Variants in MYOM1 observed in about 807,000 individuals in gnomAD.
The protein encoded by MYOM1 is myomesin-1.
MYOM1 carries 164 observed loss-of-function variants against 205.3 expected under a neutral mutation model. The ratio of observed to expected loss-of-function variants is 0.80; its 90% confidence interval spans 0.70 to 0.91. MYOM1 has a LOEUF of 0.91. MYOM1 is among the 40% of genes least tolerant of loss of function. MYOM1 has a pLI of 0.00. For missense variants in MYOM1, 2,011 were observed against 2,127.3 expected, an observed-to-expected ratio of 0.95 and a Z score of 1.08; for synonymous variants, 772 against 789.4, an observed-to-expected ratio of 0.98 and a Z score of 0.37.
chr18:3,172,547 T>C (rs2080575408), intron 8 of MYOM1, among the ~76,000 whole-genome samples: 1 of 152,140 alleles, frequency 6.6e-6, no homozygotes, highest in Non-Finnish European at 1.5e-5. Context: ...TCTCACTCTG[T>C]TGCCCAGGCT....
chr18:3,188,873 C>A lies in MYOM1; in HGVS notation c.646G>T (p.Ala216Ser). 6.2e-7 allele frequency: 1 copy of A among 1,609,392 alleles called. No individual in the cohort carries two copies. The highest frequency in any genetic ancestry group is 8.5e-7 in the Non-Finnish European group (1 of 1,176,502). Residue 216 changes from alanine (A) to serine (S), a missense_variant, in exon 4 of 38, where the codon GCA becomes TCA. Physicochemically the swap from Ala to Ser is moderately conservative, Grantham distance 99. Coordinates refer to ENST00000356443, the MANE Select transcript of MYOM1 (RefSeq NM_003803.4). ...KQSTASRQST[A>S]SRQSVVSKQA... The stretch of plus-strand genomic sequence containing the variant: ...TTGGAAACCACAGACTGCCTGGATG[C>A]CGTGGACTGCCTGGATGCCGTGGAC...
chr18:3,142,202 TC>T (rs1567930445), intron 13 of MYOM1, 139 bp from the exon 14 acceptor site: 1 of 1,081,582 alleles, frequency 9.2e-7, no homozygotes. Context: ...TCTCTAAAAT[TC>T]CCCCAAAACA....
intron 13 of MYOM1, among the ~76,000 whole-genome samples, chr18:3,147,085 T>TATATCTTATATATAAA (rs1373012448): frequency 2.3e-4 from 25 of 109,680 alleles, no homozygotes; most frequent in African/African-American, 7.4e-4. Context: ...TATATAAATA[T>TATATCTTATATATAAA]TATACATTAT....
intron 17 of MYOM1, 47 bp from the exon 18 acceptor site, chr18:3,129,566 T>G: frequency 6.4e-7 from 1 of 1,558,744 alleles, no homozygotes; most frequent in Non-Finnish European, 8.7e-7. Flanking sequence ...CCGGACAGAG[T>G]ATCAGCTGCT....
intron 21 of MYOM1, 45 bp downstream of exon 21, chr18:3,116,286 T>C (rs1356856218): frequency 6.3e-7 from 1 of 1,575,736 alleles, no homozygotes; most frequent in African/African-American, 1.3e-5. Context: ...TTCGTATTAG[T>C]AGAGCAGTTA....
intron 13 of MYOM1, among the ~76,000 whole-genome samples, chr18:3,147,706 A>G (rs1195367580): frequency 6.6e-6 from 1 of 152,260 alleles, no homozygotes; most frequent in Non-Finnish European, 1.5e-5. Context: ...TATGTAATCA[A>G]TTGAATTTGA....
intron 9 of MYOM1, among the ~76,000 whole-genome samples, chr18:3,167,401 T>C (rs2080487381): frequency 6.6e-6 from 1 of 152,238 alleles, no homozygotes; most frequent in African/African-American, 2.4e-5. Context: ...TGTTTTGTTT[T>C]GAGATGGAGT....
chr18:3,168,708 G>T, intron 9 of MYOM1, 109 bp downstream of exon 9: 1 of 1,090,228 alleles, frequency 9.2e-7, no homozygotes, highest in East Asian at 2.5e-5. Flanking sequence ...ATCGTGTAAA[G>T]GTAGTCCCTT....
Position 3,135,202 on chromosome 18 carries a change from G to A in MYOM1, c.2209+345C>T, listed in dbSNP as rs548611425. The A allele has an allele frequency of 1.6e-3, 434 of 277,560 alleles. 2 individuals carry two copies. The highest frequency in any genetic ancestry group is 5.1e-3 in the Middle Eastern group (4 of 780). The allele number at this position is 277,560 out of a possible 1,614,324, so 17.2% of individuals were successfully genotyped here. On this transcript the variant is annotated intron_variant, in intron 15 of 37. Coordinates refer to ENST00000356443, the MANE Select transcript of MYOM1 (RefSeq NM_003803.4). The surrounding 1 kb of genome is among the most constrained non-coding windows in gnomAD (Gnocchi z 4.1). ...TGGACTCAGGTGATCTGCCTGCCTC[G>A]GCCTCCCAAAGTGCTCAGATTACAG... is the stretch of plus-strand genomic sequence containing the variant.
At chr18:3,092,532 A>C (rs1314300356) in intron 26 of MYOM1, among the ~76,000 whole-genome samples, 1 of 151,488 alleles carries the variant, frequency 6.6e-6, no homozygotes, top group Non-Finnish European at 1.5e-5. Context: ...CTATTAGACT[A>C]TACTTATTTT....
intron 2 of MYOM1, among the ~76,000 whole-genome samples, chr18:3,201,549 T>C (rs2081067970): frequency 6.6e-6 from 1 of 152,048 alleles, no homozygotes. Context: ...CATGCACATA[T>C]ATGTATATAA....
Position 3,151,768 on chromosome 18 carries a change from A to G in MYOM1, c.1769T>C (p.Met590Thr), listed in dbSNP as rs780328549. The G allele has an allele frequency of 3.1e-6, 5 of 1,613,956 alleles. No homozygotes were observed. Among genetic ancestry groups the G allele is most frequent in the Non-Finnish European group, 4.2e-6 (5 of 1,179,858 alleles). ...AACTCGAGATGGGAAACCTATTCCC[A>G]TTTTATTCACAGCTCGAACTCGGAA... ...YIFRVRAVNK[M>T]GIGFPSRVSE... Residue 590 changes from methionine (M) to threonine (T), a missense_variant, in exon 12 of 38, where the codon ATG becomes ACG. By Grantham distance (81) the Met-to-Thr change is moderately conservative. Transcript: ENST00000356443.
At chr18:3,202,107 A>T (rs2081076406) in intron 2 of MYOM1, among the ~76,000 whole-genome samples, 1 of 152,236 alleles carries the variant, frequency 6.6e-6, no homozygotes, top group Non-Finnish European at 1.5e-5. Flanking sequence ...ACTGGTATTC[A>T]GTGAGTATAT....
intron 2 of MYOM1, among the ~76,000 whole-genome samples, chr18:3,205,633 C>A (rs1020160281): frequency 2.0e-5 from 3 of 152,102 alleles, no homozygotes; most frequent in Non-Finnish European, 4.4e-5. Flanking sequence ...TAAAACAGTA[C>A]AACCACTTTG....
chr18:3,094,222 C>T lies in MYOM1; in HGVS notation c.3812G>A (p.Gly1271Asp), dbSNP rs1443446807. The T allele has an allele frequency of 6.2e-7, 1 of 1,613,954 alleles. No individual in the cohort carries two copies. The highest frequency in any genetic ancestry group is 2.2e-5 in the East Asian group (1 of 44,886). Reference protein sequence around the residue: ...RFWMQAEKLSGNAKVNYIFNE... With the variant: ...RFWMQAEKLSDNAKVNYIFNE... ...AAATATGTAGTTGACTTTGGCATTG[C>T]CAGACAGTTTCTCAGCCTGCATCCA... Residue 1271 changes from glycine (G) to aspartate (D), a missense_variant, in exon 26 of 38, where the codon GGC (glycine) becomes GAC (aspartate). Transcript: ENST00000356443.
chr18:3,217,041 TGGAGACACAG>T (rs1438076846), intron 1 of MYOM1: 1 of 152,212 alleles, frequency 6.6e-6, no homozygotes, highest in African/African-American at 2.4e-5. Context: ...GAAGGCCACG[TGGAGACACAG>T]GGAGAAGACA....
chr18:3,155,722 A>C (rs2080292318), intron 10 of MYOM1, among the ~76,000 whole-genome samples: 1 of 152,208 alleles, frequency 6.6e-6, no homozygotes, highest in Non-Finnish European at 1.5e-5. Context: ...TTGTGCCAGA[A>C]AGTCTGTTCT....
At chr18:3,243,593 T>C in the MYOM1 span, among the ~76,000 whole-genome samples, 1 of 152,190 alleles carries the variant, frequency 6.6e-6, no homozygotes, top group Non-Finnish European at 1.5e-5. Flanking sequence ...CCGGCACCTG[T>C]GGATATTAGG....
At chr18:3,093,917 C>T (rs372342751) in intron 26 of MYOM1, among the ~76,000 whole-genome samples, 14 of 152,234 alleles carry the variant, frequency 9.2e-5, no homozygotes, top group African/African-American at 1.2e-4. Flanking sequence ...TCATACATCT[C>T]GGTTTGCCTG....
Sources: allele counts gnomAD v4.1 joint callset (sites outside exome capture counted in the v4.1 genomes callset), GRCh38; gene constraint gnomAD v4.1.1; non-coding constraint Gnocchi (gnomAD v3.1); transcripts MANE v1.5; gene names NCBI Gene and HGNC (gene_info 2026-07-23, HGNC 2026-07-21).